GPHN: variants seen among roughly 807,000 people sequenced by gnomAD.
GPHN encodes gephyrin.
In GPHN, 17 loss-of-function variants were observed where a neutral mutation model predicts 95.5. The observed-to-expected ratio is 0.18, with a 90% CI of 0.12 to 0.27. The LOEUF (loss-of-function observed/expected upper bound fraction) is 0.27, where lower values mean the gene tolerates loss of function less well. Among genes scored for constraint, GPHN ranks in the 10% least tolerant of loss-of-function variants. GPHN has a pLI of 1.00. For synonymous variants in GPHN, 320 were observed against 322.5 expected (o/e 0.99, Z 0.08); for missense variants, 660 against 978.1 (o/e 0.67, Z 4.34).
intron 21 of GPHN, among the ~76,000 whole-genome samples, chr14:67,170,634 TC>T (rs1223754223): frequency 1.3e-5 from 2 of 152,208 alleles, no homozygotes; most frequent in Admixed American, 1.3e-4. Context: ...GATATGTTGT[TC>T]CTGATGGTGT....
chr14:67,513,394 G>A, the GPHN span, among the ~76,000 whole-genome samples: 9 of 152,160 alleles, frequency 5.9e-5, no homozygotes, highest in African/African-American at 2.2e-4. Flanking sequence ...AAATTGCAGG[G>A]CCACAAATCT....
At chr14:66,802,854 G>A (rs914473511) in intron 3 of GPHN, among the ~76,000 whole-genome samples, 1 of 152,168 alleles carries the variant, frequency 6.6e-6, no homozygotes, top group African/African-American at 2.4e-5. Context: ...CTCACACTTT[G>A]TCTCCTCTCC....
At chr14:67,178,132 A>T (rs1170134328) in intron 21 of GPHN, among the ~76,000 whole-genome samples, 1 of 152,188 alleles carries the variant, frequency 6.6e-6, no homozygotes, top group Non-Finnish European at 1.5e-5. Flanking sequence ...TTTGCCCATT[A>T]GTTGATGCAG....
the GPHN span, chr14:67,364,062 A>T: frequency 6.6e-6 from 1 of 152,208 alleles, no homozygotes; most frequent in Non-Finnish European, 1.5e-5. Flanking sequence ...CTTTGTAGTA[A>T]TGGAGATTAA....
chr14:67,333,255 C>T, the GPHN span: 7 of 223,810 alleles, frequency 3.1e-5, no homozygotes, highest in Non-Finnish European at 6.2e-5. Context: ...TCACCTAAAC[C>T]CTTTCTGCTT....
the GPHN span, among the ~76,000 whole-genome samples, chr14:67,638,655 A>G: frequency 6.6e-6 from 1 of 152,186 alleles, no homozygotes; most frequent in Admixed American, 6.5e-5. Context: ...TCTAGGGGGA[A>G]AAAAGAAAAA....
chr14:67,663,108 C>T, the GPHN span: 12 of 1,520,290 alleles, frequency 7.9e-6, no homozygotes, highest in Admixed American at 2.1e-5. Flanking sequence ...ACGATGAGAA[C>T]GTTATTCATT....
chr14:67,568,797 T>G, the GPHN span, among the ~76,000 whole-genome samples: 1 of 151,996 alleles, frequency 6.6e-6, no homozygotes, highest in Non-Finnish European at 1.5e-5. Context: ...AGAGCAACAG[T>G]TTACTGACCC....
At chr14:67,113,587 G>A (rs746412987) in intron 16 of GPHN, among the ~76,000 whole-genome samples, 3 of 152,124 alleles carry the variant, frequency 2.0e-5, no homozygotes, top group African/African-American at 4.8e-5. Flanking sequence ...AATGAATCAG[G>A]ACATCATGGC....
Position 66,985,543 on chromosome 14 carries a change from G to A in GPHN, c.963+20218G>A. 3 of 591,604 alleles carry A rather than the reference G, an allele frequency of 5.1e-6. No individual in the cohort carries two copies. The South Asian group carries it at 6.7e-5, about 13-fold the overall frequency. The allele number at this position is 591,604 out of a possible 1,614,324, so 36.6% of individuals were successfully genotyped here. ...AGCATGTCATACAGCCTCTGGGTTA[G>A]TTAACTCCTTGGCCTCCTAAGAGCT... On this transcript the variant is annotated intron_variant, in intron 9 of 22. Transcript: ENST00000478722.
rs866620501 is a variant in GPHN, at chr14:66,536,306, G to A, written c.64+27715G>A. On this transcript the variant is annotated intron_variant, in intron 1 of 22. Coordinates refer to ENST00000478722, the MANE Select transcript of GPHN (RefSeq NM_020806.5). The stretch of plus-strand genomic sequence containing the variant: ...AAACTTTGTCAAATTTTTTGCTTTT[G>A]TTGAGATAAATCATATGGTTGTATC... Among the ~76,000 whole-genome samples, 3 of 152,192 alleles carry A rather than the reference G, an allele frequency of 2.0e-5. No individual in the cohort carries two copies. In the South Asian group the frequency reaches 6.2e-4, roughly 32 times the overall value.
Position 66,875,046 on chromosome 14 carries a change from A to G in GPHN, c.295-4893A>G, listed in dbSNP as rs2063591268. Among the ~76,000 whole-genome samples, 4 of 152,364 alleles carry G rather than the reference A, an allele frequency of 2.6e-5. No homozygotes were observed. The South Asian group carries it at 8.3e-4, about 32-fold the overall frequency. Reference sequence around the variant, plus strand: ...ACCCACAAGGAAGCCCATCAAGCTAATGGCAGATCTCTCGGCAGAAACCCA... The same window carrying G: ...ACCCACAAGGAAGCCCATCAAGCTAGTGGCAGATCTCTCGGCAGAAACCCA... On this transcript the variant is annotated intron_variant, in intron 4 of 22. Coordinates refer to ENST00000478722, the MANE Select transcript of GPHN (RefSeq NM_020806.5).
At chr14:67,690,336 A>G in the GPHN span, 1 of 1,614,064 alleles carries the variant, frequency 6.2e-7, no homozygotes, top group Non-Finnish European at 8.5e-7. Flanking sequence ...TTCCCAGGTG[A>G]TGTGCGAGGG....
the GPHN span, chr14:67,579,620 C>A: frequency 1.7e-6 from 2 of 1,180,428 alleles, no homozygotes; most frequent in Non-Finnish European, 2.4e-6. Flanking sequence ...TTTGTATTTG[C>A]CCTTGCTCCT....
chr14:66,965,717 T>C (rs755917620), intron 9 of GPHN, among the ~76,000 whole-genome samples: 49 of 152,214 alleles, frequency 3.2e-4, no homozygotes, highest in Admixed American at 6.5e-4. Flanking sequence ...GGGATTTCTT[T>C]AAACTTGTCC....
At chr14:67,029,775 A>G (rs141715238) in intron 10 of GPHN, among the ~76,000 whole-genome samples, 1 of 152,332 alleles carries the variant, frequency 6.6e-6, no homozygotes, top group African/African-American at 2.4e-5. Flanking sequence ...TTTGGCTGCC[A>G]CCTCTGAGAG....
chr14:66,585,794 G>A (rs1270498915), intron 1 of GPHN, among the ~76,000 whole-genome samples: 2 of 152,144 alleles, frequency 1.3e-5, no homozygotes, highest in African/African-American at 2.4e-5. Context: ...TTGCTGAGGA[G>A]TGCTTTACTT....
At chr14:66,926,307 A>G (rs1221542980) in intron 8 of GPHN, among the ~76,000 whole-genome samples, 1 of 152,150 alleles carries the variant, frequency 6.6e-6, no homozygotes. Flanking sequence ...TACTCAAGAA[A>G]TCTTTGCCCA....
chr14:67,462,223 G>A, the GPHN span, among the ~76,000 whole-genome samples: 9 of 152,182 alleles, frequency 5.9e-5, no homozygotes, highest in African/African-American at 2.2e-4. Flanking sequence ...CACAGGTGAT[G>A]GTCACATGTT....
Sources: gnomAD v4.1 joint callset for allele counts (sites outside exome capture counted in the v4.1 genomes callset) on GRCh38, gnomAD v4.1.1 for gene constraint, MANE v1.5 for transcripts, NCBI Gene and HGNC (gene_info 2026-07-23, HGNC 2026-07-21) for gene names.